TESK2: variants seen among roughly 807,000 people sequenced by gnomAD.
TESK2 encodes testis associated actin remodelling kinase 2.
In TESK2, 39 loss-of-function variants were observed where a neutral mutation model predicts 57.1. That is an observed-to-expected ratio of 0.68 (90% CI 0.53 to 0.89). The LOEUF (loss-of-function observed/expected upper bound fraction) is 0.89. Among genes scored for constraint, TESK2 ranks in the 40% least tolerant of loss-of-function variants. The pLI, the probability that TESK2 is intolerant of heterozygous loss-of-function variation, is 0.00. For missense variants in TESK2, 646 were observed against 732.1 expected (o/e 0.88, Z 1.36); for synonymous variants, 249 against 267.9 (o/e 0.93, Z 0.69).
intron 1 of TESK2, among the ~76,000 whole-genome samples, chr1:45,478,174 A>C (rs989289590): frequency 6.6e-6 from 1 of 152,200 alleles, no homozygotes; most frequent in Non-Finnish European, 1.5e-5. Flanking sequence ...AGCCCTGCTC[A>C]CACTTCAATA....
intron 1 of TESK2, among the ~76,000 whole-genome samples, chr1:45,483,587 C>A (rs1411612106): frequency 2.8e-5 from 4 of 144,018 alleles, no homozygotes; most frequent in African/African-American, 1.0e-4. Context: ...AACGAAACTC[C>A]GTCTCAGAAA....
intron 2 of TESK2, among the ~76,000 whole-genome samples, chr1:45,446,235 G>A (rs1047039693): frequency 7.9e-5 from 12 of 150,968 alleles, no homozygotes; most frequent in South Asian, 4.2e-4. Flanking sequence ...CAAGGTAGGC[G>A]GATCACTTGA....
At chr1:45,394,426 A>T (rs1649273326) in intron 3 of TESK2, among the ~76,000 whole-genome samples, 1 of 151,006 alleles carries the variant, frequency 6.6e-6, no homozygotes, top group Non-Finnish European at 1.5e-5. Flanking sequence ...TGGCTTCCCA[A>T]AGTAAGCCAC....
chr1:45,482,337 C>T (rs1275111182), intron 1 of TESK2, among the ~76,000 whole-genome samples: 2 of 151,672 alleles, frequency 1.3e-5, no homozygotes, highest in African/African-American at 4.8e-5. Flanking sequence ...AGACCAGCCA[C>T]GGTAACATAG....
At chr1:45,473,668 C>T (rs139612587) in intron 1 of TESK2, among the ~76,000 whole-genome samples, 6 of 152,084 alleles carry the variant, frequency 3.9e-5, no homozygotes, top group Non-Finnish European at 4.4e-5. Flanking sequence ...AAAAAGCAAA[C>T]GCATTGGAGT....
chr1:45,452,857 G>A (rs950591466), intron 2 of TESK2, among the ~76,000 whole-genome samples: 1 of 152,126 alleles, frequency 6.6e-6, no homozygotes, highest in Admixed American at 6.6e-5. Context: ...TTCAAGATCA[G>A]CCTGGGCAAC....
intron 2 of TESK2, among the ~76,000 whole-genome samples, chr1:45,429,230 C>T (rs1650846166): frequency 6.6e-6 from 1 of 152,154 alleles, no homozygotes; most frequent in Non-Finnish European, 1.5e-5. Context: ...GAAAACCCAT[C>T]TCTTAAAAAT....
intron 4 of TESK2, among the ~76,000 whole-genome samples, chr1:45,380,607 A>T (rs755845854): frequency 6.6e-6 from 1 of 152,244 alleles, no homozygotes; most frequent in Non-Finnish European, 1.5e-5. Flanking sequence ...TGAGTGACAG[A>T]CATCTTTATT....
At position 45,345,900 on chromosome 1, in the gene TESK2, C is replaced by G; in HGVS notation, c.974G>C (p.Arg325Thr). The G allele has an allele frequency of 6.2e-7, 1 of 1,614,050 alleles. No individual in the cohort carries two copies. The highest frequency in any genetic ancestry group is 8.5e-7 in the Non-Finnish European group (1 of 1,179,948). Residue 325 changes from arginine (R) to threonine (T), a missense_variant, in exon 10 of 11, where the codon AGG becomes ACG. By Grantham distance (71) the Arg-to-Thr change is moderately conservative. Transcript: ENST00000372086. ...ACCCCTGGCTGTGGGCTGCAGCTTC[C>G]TATCCCTCTCCTGCTCTTCTTCCTG... ...RLQEEEQERDRKLQPTARGLL... is the reference protein window; with the variant it reads ...RLQEEEQERDTKLQPTARGLL...
chr1:45,405,631 A>AT (rs1461495207), intron 3 of TESK2, among the ~76,000 whole-genome samples: 1 of 148,968 alleles, frequency 6.7e-6, no homozygotes, highest in Non-Finnish European at 1.5e-5. Flanking sequence ...ATCTCTAAAA[A>AT]ATATATCTAT....
At chr1:45,360,046 A>C (rs958029567) in intron 4 of TESK2, among the ~76,000 whole-genome samples, 1 of 152,206 alleles carries the variant, frequency 6.6e-6, no homozygotes, top group African/African-American at 2.4e-5. Flanking sequence ...ATGACTAAAA[A>C]TAAATCTTCC....
intron 1 of TESK2, among the ~76,000 whole-genome samples, chr1:45,483,667 GT>G (rs1229969837): frequency 1.3e-5 from 2 of 151,996 alleles, no homozygotes; most frequent in African/African-American, 4.8e-5. Flanking sequence ...CAGTAGTTAA[GT>G]TTTGCCGCGA....
chr1:45,401,801 T>C (rs1044213273), intron 3 of TESK2, among the ~76,000 whole-genome samples: 1 of 152,096 alleles, frequency 6.6e-6, no homozygotes, highest in Non-Finnish European at 1.5e-5. Context: ...TTTTGATTCA[T>C]AAAAAAGAAC....
In TESK2 at chr1:45,457,695, T is replaced by C; in HGVS notation, c.91A>G (p.Asn31Asp). The stretch of plus-strand genomic sequence containing the variant: ...CAAACTCTTCCCACCTGGCTCACAT[T>C]TCCTTCTCCTCCACCACCTCCTTCA... ...EFEGGGGGEG[N>D]VSQVGRVWPS... The change falls in exon 2 of 11, where the codon AAT becomes GAT. Residue 31 changes from asparagine to aspartate, a missense_variant. Physicochemically the swap from Asn to Asp is conservative, Grantham distance 23. Transcript: ENST00000372086. 6.2e-7 allele frequency: 1 copy of C among 1,614,168 alleles called. No homozygotes were observed. Among genetic ancestry groups the C allele is most frequent in the Non-Finnish European group, 8.5e-7 (1 of 1,180,028 alleles).
chr1:45,420,448 G>T (rs1039291636), intron 3 of TESK2, among the ~76,000 whole-genome samples: 6 of 151,754 alleles, frequency 4.0e-5, no homozygotes, highest in African/African-American at 1.5e-4. Flanking sequence ...GTAGAGATGG[G>T]GTTTCACCAT....
At chr1:45,352,117 T>TATC (rs1417800605) in intron 5 of TESK2, among the ~76,000 whole-genome samples, 1 of 152,236 alleles carries the variant, frequency 6.6e-6, no homozygotes, top group Non-Finnish European at 1.5e-5. Context: ...ACACAGACGG[T>TATC]ATCTCAAATT....
intron 4 of TESK2, among the ~76,000 whole-genome samples, chr1:45,369,309 G>A (rs1184690009): frequency 6.6e-6 from 1 of 151,806 alleles, no homozygotes; most frequent in Non-Finnish European, 1.5e-5. Context: ...GACCAGCCTG[G>A]CCAACATTGT....
At chr1:45,381,725 C>G (rs1006123953) in intron 4 of TESK2, among the ~76,000 whole-genome samples, 2 of 151,572 alleles carry the variant, frequency 1.3e-5, no homozygotes, top group African/African-American at 4.9e-5. Context: ...TGGAGGGCAA[C>G]AGCTAACCAA....
At chr1:45,366,511 T>C (rs1054448622) in intron 4 of TESK2, among the ~76,000 whole-genome samples, 1 of 152,160 alleles carries the variant, frequency 6.6e-6, no homozygotes, top group African/African-American at 2.4e-5. Context: ...GGCAGGAGTA[T>C]TGCTTGAGCC....
Sources: allele counts gnomAD v4.1 joint callset (sites outside exome capture counted in the v4.1 genomes callset), GRCh38; gene constraint gnomAD v4.1.1; transcripts MANE v1.5; gene names NCBI Gene and HGNC (gene_info 2026-07-23, HGNC 2026-07-21).